TTC23: variants seen among roughly 807,000 people sequenced by gnomAD.
TTC23 encodes the protein tetratricopeptide repeat domain 23.
A neutral mutation model predicts 55.1 loss-of-function variants in TTC23; 58 were observed. The observed-to-expected ratio is 1.05, with a 90% confidence interval of 0.85 to 1.31. The LOEUF is 1.31. TTC23 is among the 50% of genes most tolerant of loss of function. The pLI is 0.00. For synonymous variants in TTC23, 203 were observed against 199.9 expected (o/e 1.02, Z -0.13); for missense variants, 516 against 534.4 (o/e 0.97, Z 0.34).
intron 8 of TTC23, among the ~76,000 whole-genome samples, chr15:99,203,234 G>C (rs766770455): frequency 6.6e-6 from 1 of 152,008 alleles, no homozygotes; most frequent in Non-Finnish European, 1.5e-5. Context: ...ATCACCAAAA[G>C]TAAGAACGCA....
intron 5 of TTC23, 67 bp downstream of exon 5, chr15:99,228,466 A>T: frequency 7.3e-7 from 1 of 1,366,954 alleles, no homozygotes; most frequent in African/African-American, 1.5e-5. Flanking sequence ...AAAACATTCT[A>T]CTTCTCTTGA....
chr15:99,199,750 C>A (rs143714783), intron 9 of TTC23, among the ~76,000 whole-genome samples, 169 bp downstream of exon 9: 104 of 152,276 alleles, frequency 6.8e-4, no homozygotes, highest in African/African-American at 2.4e-3. Context: ...CACTTGCCCA[C>A]GTGACCACCT....
At chr15:99,223,163 G>A (rs1471227260) in intron 5 of TTC23, among the ~76,000 whole-genome samples, 2 of 152,206 alleles carry the variant, frequency 1.3e-5, no homozygotes, top group African/African-American at 2.4e-5. Context: ...ACAGTCTAAA[G>A]GAACTGGTGG....
intron 3 of TTC23, among the ~76,000 whole-genome samples, chr15:99,239,982 T>A (rs1301302955): frequency 6.6e-6 from 1 of 152,210 alleles, no homozygotes; most frequent in Non-Finnish European, 1.5e-5. Flanking sequence ...CCTGGTCTTC[T>A]CATAATTTGG....
chr15:99,239,973 CT>C (rs2079634856), intron 3 of TTC23, among the ~76,000 whole-genome samples: 2 of 152,144 alleles, frequency 1.3e-5, no homozygotes. Flanking sequence ...AATTAGCACC[CT>C]GGTCTTCTCA....
At chr15:99,180,112 A>G (rs1224909368) in intron 9 of TTC23, among the ~76,000 whole-genome samples, 1 of 152,258 alleles carries the variant, frequency 6.6e-6, no homozygotes, top group East Asian at 1.9e-4. Flanking sequence ...GGGGCTCCAT[A>G]GTTTGACCAC....
intron 10 of TTC23, among the ~76,000 whole-genome samples, chr15:99,165,840 T>G (rs563632844): frequency 6.6e-6 from 1 of 152,346 alleles, no homozygotes; most frequent in East Asian, 1.9e-4. Context: ...GGCATTAATT[T>G]TATTGATTAT....
chr15:99,196,203 G>C (rs1267305240), intron 9 of TTC23, among the ~76,000 whole-genome samples: 1 of 148,794 alleles, frequency 6.7e-6, no homozygotes, highest in African/African-American at 2.5e-5. Flanking sequence ...AAAAATTAAA[G>C]TAAATTTGAG....
intron 12 of TTC23, among the ~76,000 whole-genome samples, chr15:99,141,710 C>T (rs1463071601): frequency 4.6e-5 from 7 of 152,126 alleles, no homozygotes; most frequent in African/African-American, 1.7e-4. Flanking sequence ...TGCAAGCAGC[C>T]AAATGCCTTT....
intron 8 of TTC23, among the ~76,000 whole-genome samples, chr15:99,208,395 A>G (rs2076788543): frequency 6.6e-6 from 1 of 152,208 alleles, no homozygotes; most frequent in African/African-American, 2.4e-5. Context: ...AGAATGCATA[A>G]CAAGCTTCTA....
chr15:99,151,882 C>A (rs568096237), intron 12 of TTC23, among the ~76,000 whole-genome samples: 4 of 152,226 alleles, frequency 2.6e-5, no homozygotes, highest in Non-Finnish European at 5.9e-5. Context: ...TATCTCCACT[C>A]CAACAACTCT....
intron 9 of TTC23, among the ~76,000 whole-genome samples, chr15:99,183,222 T>C (rs2074318069): frequency 6.6e-6 from 1 of 152,216 alleles, no homozygotes; most frequent in African/African-American, 2.4e-5. Context: ...TGCTATGCTT[T>C]AGCAAAGAGA....
rs770187725 is a variant in TTC23, at chr15:99,221,820, T to C, written c.225A>G (p.Thr75=). The C allele has an allele frequency of 6.2e-7, 1 of 1,614,196 alleles. No homozygotes were observed. Among genetic ancestry groups the C allele is most frequent in the Non-Finnish European group, 8.5e-7 (1 of 1,180,030 alleles). ...AATGTGAGTCTCCATAGCAAATTCT[T>C]GTCAGTGCTACGCAACGCACAAGCT... is the stretch of plus-strand genomic sequence containing the variant. ...VHELVRCVAL[T]RICYGDSHWK... is the part of the protein sequence containing the mutation. Residue 75 remains threonine, a synonymous_variant, in exon 6 of 14, where the codon ACA becomes ACG. Transcript: ENST00000394132.
intron 8 of TTC23, among the ~76,000 whole-genome samples, chr15:99,206,794 C>T (rs1030250828): frequency 6.6e-6 from 1 of 151,880 alleles, no homozygotes; most frequent in African/African-American, 2.4e-5. Flanking sequence ...TTTTTTTAGT[C>T]TCAATTTTAT....
chr15:99,193,862 A>AGTT, intron 9 of TTC23, among the ~76,000 whole-genome samples: 1 of 152,238 alleles, frequency 6.6e-6, no homozygotes, highest in East Asian at 1.9e-4. Context: ...TACAAAAATT[A>AGTT]GTTGGATGTG....
intron 1 of TTC23, among the ~76,000 whole-genome samples, chr15:99,248,012 A>G (rs1450691590): frequency 6.6e-6 from 1 of 152,222 alleles, no homozygotes; most frequent in Non-Finnish European, 1.5e-5. Context: ...ATATTATGAC[A>G]AGACTTTTAT....
In TTC23 at chr15:99,218,998, C is replaced by T. The variant is rs777349563; in HGVS notation, c.355G>A (p.Ala119Thr). ...CTATAGGGAGGCACAATGGAGTTGG[C>T]GAGGATTTGTCTGGCTTTTTCTGCA... The part of the protein sequence containing the change: ...QHAEKARQIL[A>T]NSIVPPYSEN... The change falls in exon 7 of 14, where the codon GCC becomes ACC. Residue 119 changes from alanine (A) to threonine (T), a missense_variant. Coordinates refer to ENST00000394132, the MANE Select transcript of TTC23 (RefSeq NM_001288615.3). 5.6e-6 allele frequency: 9 copies of T among 1,613,974 alleles called. No homozygotes were observed. The highest frequency in any genetic ancestry group is 2.7e-5 in the African/African-American group (2 of 74,900).
At chr15:99,167,406 G>A (rs1040673839) in intron 10 of TTC23, among the ~76,000 whole-genome samples, 5 of 152,238 alleles carry the variant, frequency 3.3e-5, no homozygotes, top group Non-Finnish European at 5.9e-5. Context: ...GCATGACTTA[G>A]CTTGTAAATC....
chr15:99,150,145 G>C (rs151073453), intron 12 of TTC23, among the ~76,000 whole-genome samples: 1 of 152,218 alleles, frequency 6.6e-6, no homozygotes, highest in African/African-American at 2.4e-5. Context: ...CCAGCGGCCT[G>C]CAAGGCCTGC....
Sources: allele counts gnomAD v4.1 joint callset (sites outside exome capture counted in the v4.1 genomes callset), GRCh38; gene constraint gnomAD v4.1.1; transcripts MANE v1.5; gene names NCBI Gene and HGNC (gene_info 2026-07-23, HGNC 2026-07-21).